CDH13: variants seen among roughly 807,000 people sequenced by gnomAD.
The protein encoded by CDH13 is cadherin 13.
CDH13 carries 24 observed loss-of-function variants against 63.8 expected under a neutral mutation model. The observed-to-expected ratio is 0.38, with a 90% confidence interval of 0.27 to 0.53. The LOEUF is 0.53. Among genes scored for constraint, CDH13 ranks in the 20% least tolerant of loss-of-function variants. CDH13 has a pLI of 0.85. For missense variants in CDH13, 1,049 were observed against 903.1 expected, an observed-to-expected ratio of 1.16 and a Z score of -2.07; for synonymous variants, 503 against 355.3, an observed-to-expected ratio of 1.42 and a Z score of -4.67.
chr16:83,313,310 T>G (rs74034109), intron 5 of CDH13, among the ~76,000 whole-genome samples: 1,610 of 152,296 alleles, frequency 0.011, 27 homozygotes, highest in African/African-American at 0.037. Context: ...GCAGTTATCT[T>G]TGAAATTGTG....
chr16:83,335,473 C>G (rs1318786105), intron 5 of CDH13, among the ~76,000 whole-genome samples: 1 of 152,130 alleles, frequency 6.6e-6, no homozygotes, highest in African/African-American at 2.4e-5. Context: ...ACTTGTACAT[C>G]CCTGCTTACA....
At chr16:83,341,994 CACACACACACACA>C (rs1567604447) in intron 5 of CDH13, among the ~76,000 whole-genome samples, 25 of 126,596 alleles carry the variant, frequency 2.0e-4, no homozygotes, top group Non-Finnish European at 3.4e-4. Flanking sequence ...CCCTGCCACA[CACACACACACACA>C]CACACACACA....
chr16:83,339,482 C>G (rs533324845), intron 5 of CDH13, among the ~76,000 whole-genome samples: 6 of 152,156 alleles, frequency 3.9e-5, no homozygotes, highest in Non-Finnish European at 7.3e-5. Context: ...AGCTTTGTAT[C>G]AGACACTTTC....
At chr16:83,011,644 C>T (rs1479638001) in intron 2 of CDH13, among the ~76,000 whole-genome samples, 3 of 152,198 alleles carry the variant, frequency 2.0e-5, no homozygotes, top group African/African-American at 4.8e-5. Flanking sequence ...GTGAATGCCA[C>T]TGAGGGTTCG....
At chr16:82,675,370 C>T (rs1411383641) in intron 1 of CDH13, among the ~76,000 whole-genome samples, 1 of 152,026 alleles carries the variant, frequency 6.6e-6, no homozygotes, top group African/African-American at 2.4e-5. Context: ...GAAGAAAATG[C>T]TTAAGTCTAT....
intron 8 of CDH13, among the ~76,000 whole-genome samples, chr16:83,636,882 A>C (rs1198790267): frequency 1.3e-5 from 2 of 152,216 alleles, no homozygotes; most frequent in Non-Finnish European, 2.9e-5. Flanking sequence ...CACCAGCAGC[A>C]TATATGTGTT....
intron 6 of CDH13, among the ~76,000 whole-genome samples, chr16:83,468,420 C>A (rs147990599): frequency 1.3e-5 from 2 of 152,272 alleles, no homozygotes; most frequent in African/African-American, 4.8e-5. Flanking sequence ...ACAGCCCCGC[C>A]CACACCTTGA....
At chr16:82,744,302 G>A (rs1375493846) in intron 1 of CDH13, among the ~76,000 whole-genome samples, 1 of 152,164 alleles carries the variant, frequency 6.6e-6, no homozygotes, top group African/African-American at 2.4e-5. Flanking sequence ...GTATCTGCCT[G>A]GGCCTCTATT....
chr16:83,142,256 G>A (rs1472272592), intron 4 of CDH13, among the ~76,000 whole-genome samples: 1 of 151,258 alleles, frequency 6.6e-6, no homozygotes, highest in Non-Finnish European at 1.5e-5. Context: ...CGCCTTCTGG[G>A]TTCCAGCCAT....
At chr16:83,559,588 G>A (rs1402706810) in intron 7 of CDH13, among the ~76,000 whole-genome samples, 1 of 151,218 alleles carries the variant, frequency 6.6e-6, no homozygotes, top group Non-Finnish European at 1.5e-5. Context: ...GAGAGAGAGA[G>A]AGAGAAAAGA....
intron 1 of CDH13, among the ~76,000 whole-genome samples, chr16:82,671,163 T>C (rs1331020768): frequency 6.6e-6 from 1 of 152,216 alleles, no homozygotes; most frequent in Non-Finnish European, 1.5e-5. Flanking sequence ...GCTAACATTC[T>C]TTAAGTACTA....
At chr16:83,785,412 C>T (rs1915814202) in intron 13 of CDH13, among the ~76,000 whole-genome samples, 1 of 152,152 alleles carries the variant, frequency 6.6e-6, no homozygotes, top group Non-Finnish European at 1.5e-5. Context: ...GACTTCCTGA[C>T]CCACTAATTT....
intron 2 of CDH13, among the ~76,000 whole-genome samples, chr16:83,021,843 C>T (rs969125875): frequency 2.0e-5 from 3 of 152,234 alleles, no homozygotes; most frequent in East Asian, 1.9e-4. Context: ...ACATGGAACA[C>T]GGAAGCCCAA....
chr16:83,579,194 C>T (rs1204600215), intron 7 of CDH13, among the ~76,000 whole-genome samples: 1 of 152,186 alleles, frequency 6.6e-6, no homozygotes, highest in Non-Finnish European at 1.5e-5. Flanking sequence ...CTCACTGTTA[C>T]CACCTCAGTG....
intron 2 of CDH13, among the ~76,000 whole-genome samples, chr16:83,016,325 G>A (rs1475469814): frequency 6.6e-6 from 1 of 152,230 alleles, no homozygotes; most frequent in East Asian, 1.9e-4. Flanking sequence ...CACAGCTGAT[G>A]AGTATCTCAC....
At chr16:82,945,308 T>G (rs1046345439) in intron 2 of CDH13, among the ~76,000 whole-genome samples, 4 of 152,126 alleles carry the variant, frequency 2.6e-5, no homozygotes, top group African/African-American at 9.7e-5. Context: ...CTAATAAAAC[T>G]TAATACAAAA....
At chr16:82,711,589 CACAG>C (rs747029603) in intron 1 of CDH13, among the ~76,000 whole-genome samples, 69 of 152,198 alleles carry the variant, frequency 4.5e-4, no homozygotes, top group Non-Finnish European at 7.9e-4. Context: ...CTTCTTATTG[CACAG>C]ACAAAGACAC....
chr16:83,505,344 G>C (rs2074371206), intron 7 of CDH13, among the ~76,000 whole-genome samples: 1 of 152,086 alleles, frequency 6.6e-6, no homozygotes, highest in Admixed American at 6.6e-5. Flanking sequence ...GGACTCAGAA[G>C]TGCTTTGCTC....
At chr16:83,554,942 A>T (rs1435347050) in intron 7 of CDH13, among the ~76,000 whole-genome samples, 3 of 131,128 alleles carry the variant, frequency 2.3e-5, no homozygotes, top group African/African-American at 8.6e-5. Context: ...TTTTTTTTAG[A>T]GAACCTCTCC....
Sources: gnomAD v4.1 joint callset for allele counts (sites outside exome capture counted in the v4.1 genomes callset) on GRCh38, gnomAD v4.1.1 for gene constraint, MANE v1.5 for transcripts, NCBI Gene and HGNC (gene_info 2026-07-23, HGNC 2026-07-21) for gene names.